Variants in SLC24A3 observed in about 807,000 individuals in gnomAD.
SLC24A3 encodes sodium/potassium/calcium exchanger 3.
In SLC24A3, 28 loss-of-function variants were observed where a neutral mutation model predicts 75.8. The observed-to-expected ratio is 0.37, with a 90% confidence interval of 0.27 to 0.51. SLC24A3 has a LOEUF of 0.51. SLC24A3 is among the 20% of genes least tolerant of loss of function. SLC24A3 has a pLI of 0.94. For synonymous variants in SLC24A3, 372 were observed against 334.1 expected, an observed-to-expected ratio of 1.11 and a Z score of -1.24; for missense variants, 663 against 847.8, an observed-to-expected ratio of 0.78 and a Z score of 2.71.
At chr20:19,642,824 C>G (rs1340145703) in intron 6 of SLC24A3, among the ~76,000 whole-genome samples, 1 of 152,306 alleles carries the variant, frequency 6.6e-6, no homozygotes, top group African/African-American at 2.4e-5. Flanking sequence ...CCTTAGTCAC[C>G]CAATTCTCTC....
At chr20:19,568,113 A>G (rs2030990188) in intron 3 of SLC24A3, among the ~76,000 whole-genome samples, 1 of 152,250 alleles carries the variant, frequency 6.6e-6, no homozygotes, top group Non-Finnish European at 1.5e-5. Flanking sequence ...TAGGATGACT[A>G]CTATCAAAAT....
chr20:19,524,781 T>G (rs1322098439), intron 3 of SLC24A3, among the ~76,000 whole-genome samples: 1 of 152,226 alleles, frequency 6.6e-6, no homozygotes, highest in Non-Finnish European at 1.5e-5. Context: ...TGACTATATC[T>G]ACAATTTACA....
chr20:19,639,974 C>A (rs944267792), intron 6 of SLC24A3, among the ~76,000 whole-genome samples: 5 of 152,372 alleles, frequency 3.3e-5, no homozygotes, highest in African/African-American at 1.2e-4. Flanking sequence ...CCAGCTGGCC[C>A]GCAAGCGCGG....
chr20:19,385,881 C>G (rs1363089124), intron 2 of SLC24A3, among the ~76,000 whole-genome samples: 1 of 152,160 alleles, frequency 6.6e-6, no homozygotes, highest in Non-Finnish European at 1.5e-5. Context: ...AAGCAGTCCT[C>G]CTACTTCAGC....
intron 1 of SLC24A3, among the ~76,000 whole-genome samples, chr20:19,241,632 A>G (rs1168402334): frequency 6.6e-6 from 1 of 152,218 alleles, no homozygotes; most frequent in Non-Finnish European, 1.5e-5. Context: ...GCCAGCATTG[A>G]CAAGTAGATA....
chr20:19,585,636 C>T lies in SLC24A3; in HGVS notation c.612+92C>T, dbSNP rs2031284023. The stretch of plus-strand genomic sequence containing the variant: ...GGCAGGAGACTGTCTTGCTGGAACA[C>T]AACTTGCATTAGGGCCCAGTGGTTT... On this transcript the variant is annotated intron_variant, in intron 6 of 16. Coordinates refer to ENST00000328041, the MANE Select transcript of SLC24A3 (RefSeq NM_020689.4). The T allele has an allele frequency of 2.4e-6, 3 of 1,247,682 alleles. No individual in the cohort carries two copies. In the Admixed American group the frequency reaches 5.5e-5, roughly 23 times the overall value. The allele number at this position is 1,247,682 out of a possible 1,614,324, so 77.3% of individuals were successfully genotyped here. A position where few individuals can be genotyped will look rare whatever the true frequency, so the allele number is the denominator to read the frequency against.
At chr20:19,589,038 A>T (rs182524032) in intron 6 of SLC24A3, among the ~76,000 whole-genome samples, 3 of 152,364 alleles carry the variant, frequency 2.0e-5, no homozygotes, top group Non-Finnish European at 4.4e-5. Context: ...TGGCTCGTTT[A>T]AACAAACCCT....
chr20:19,443,431 G>T (rs1410092144), intron 2 of SLC24A3, among the ~76,000 whole-genome samples: 1 of 151,974 alleles, frequency 6.6e-6, no homozygotes, highest in Non-Finnish European at 1.5e-5. Context: ...GTTATTTGGT[G>T]CTAATATAAA....
intron 2 of SLC24A3, among the ~76,000 whole-genome samples, chr20:19,424,503 A>G (rs59450105): frequency 0.033 from 5,089 of 152,218 alleles, 295 homozygotes; most frequent in African/African-American, 0.12. Context: ...CAGCCTGGCC[A>G]ACATGGTGAA....
chr20:19,264,757 CG>C (rs1339821446), intron 1 of SLC24A3, among the ~76,000 whole-genome samples: 1 of 142,194 alleles, frequency 7.0e-6, no homozygotes, highest in African/African-American at 2.6e-5. Flanking sequence ...AAAACAAAAA[CG>C]TGCAGCCTGG....
intron 6 of SLC24A3, among the ~76,000 whole-genome samples, chr20:19,585,888 G>GGCCTAA (rs1475428855): frequency 7.2e-5 from 11 of 152,182 alleles, no homozygotes; most frequent in Non-Finnish European, 2.9e-5. Flanking sequence ...TTTTAGGTAT[G>GGCCTAA]ATTTTTGCTC....
chr20:19,594,896 C>T (rs2031431823), intron 6 of SLC24A3, among the ~76,000 whole-genome samples: 1 of 152,078 alleles, frequency 6.6e-6, no homozygotes, highest in African/African-American at 2.4e-5. Flanking sequence ...GGAAGACACC[C>T]CTGCAAGCAC....
At chr20:19,627,876 G>T (rs1055646977) in intron 6 of SLC24A3, among the ~76,000 whole-genome samples, 1 of 152,090 alleles carries the variant, frequency 6.6e-6, no homozygotes, top group East Asian at 1.9e-4. Flanking sequence ...AAGTAATTTC[G>T]AGGAAAATGT....
intron 2 of SLC24A3, among the ~76,000 whole-genome samples, chr20:19,320,546 G>C (rs762280040): frequency 6.6e-6 from 1 of 151,756 alleles, no homozygotes; most frequent in Non-Finnish European, 1.5e-5. Context: ...ACATCTGCTT[G>C]GTCTCTCTCT....
chr20:19,354,796 A>G (rs1456831723), intron 2 of SLC24A3, among the ~76,000 whole-genome samples: 1 of 152,154 alleles, frequency 6.6e-6, no homozygotes, highest in African/African-American at 2.4e-5. Context: ...TGTAGCAACC[A>G]GGCTCTAATA....
intron 2 of SLC24A3, among the ~76,000 whole-genome samples, chr20:19,512,870 G>A (rs6081622): frequency 0.54 from 82,898 of 152,118 alleles, 23,175 homozygotes; most frequent in African/African-American, 0.67. Flanking sequence ...TGTACCCCTC[G>A]TTGATGATTG....
intron 1 of SLC24A3, chr20:19,261,694 T>C (rs908471433): frequency 6.6e-6 from 1 of 152,240 alleles, no homozygotes; most frequent in Non-Finnish European, 1.5e-5. Flanking sequence ...TGCTCATATA[T>C]GGAACAGTCC....
intron 6 of SLC24A3, among the ~76,000 whole-genome samples, chr20:19,636,895 T>C (rs1229997595): frequency 6.6e-6 from 1 of 152,228 alleles, no homozygotes; most frequent in Non-Finnish European, 1.5e-5. Flanking sequence ...TTAAAAGTTT[T>C]AATTAGTATT....
intron 3 of SLC24A3, among the ~76,000 whole-genome samples, chr20:19,570,116 T>C (rs558289387): frequency 4.9e-4 from 74 of 152,316 alleles, no homozygotes; most frequent in Non-Finnish European, 9.1e-4. Flanking sequence ...TACAAGCTTC[T>C]GCTTCTGGGG....
Sources: allele counts gnomAD v4.1 joint callset (sites outside exome capture counted in the v4.1 genomes callset), GRCh38; gene constraint gnomAD v4.1.1; transcripts MANE v1.5; gene names NCBI Gene and HGNC (gene_info 2026-07-23, HGNC 2026-07-21).